The following TTC13 variants were observed in gnomAD, a reference collection of about 807,000 sequenced individuals.
The protein encoded by TTC13 is tetratricopeptide repeat protein 13.
TTC13 carries 62 observed loss-of-function variants against 120.0 expected under a neutral mutation model. The observed-to-expected ratio is 0.52, with a 90% CI of 0.42 to 0.64. The LOEUF is 0.64. TTC13 is among the 30% of genes least tolerant of loss of function. The pLI is 0.00. For missense variants in TTC13, 824 were observed against 1,050.2 expected, an observed-to-expected ratio of 0.78 and a Z score of 2.98; for synonymous variants, 384 against 393.5, an observed-to-expected ratio of 0.98 and a Z score of 0.28.
At chr1:230,927,802 A>G (rs1223102156) in intron 12 of TTC13, among the ~76,000 whole-genome samples, 3 of 152,152 alleles carry the variant, frequency 2.0e-5, no homozygotes, top group Non-Finnish European at 4.4e-5. Flanking sequence ...ATTTCCTCCT[A>G]AAGTTTAAAA....
chr1:230,925,785 T>C, intron 12 of TTC13, 138 bp from the exon 13 acceptor site: 1 of 911,726 alleles, frequency 1.1e-6, no homozygotes, highest in Non-Finnish European at 1.7e-6. Flanking sequence ...ACTTCAGTCC[T>C]TTGCACCCAA....
chr1:230,912,788 A>T, intron 18 of TTC13, 30 bp from the exon 19 acceptor site: 1 of 1,592,540 alleles, frequency 6.3e-7, no homozygotes, highest in Admixed American at 1.8e-5. Flanking sequence ...TGTGAAAGGC[A>T]TGTATTATAA....
rs537999407 is a variant in TTC13 at position 230,921,611 on chromosome 1, A to G, written c.1815-107T>C. Reference sequence around the variant, plus strand: ...AAAAAAATAAGAAACTATGAGAATAATGTAGAAAAAAAAAGTCTGGGAAAT... The same window carrying G: ...AAAAAAATAAGAAACTATGAGAATAGTGTAGAAAAAAAAAGTCTGGGAAAT... On this transcript the variant is annotated intron_variant, in intron 15 of 22. Coordinates refer to ENST00000366661, the MANE Select transcript of TTC13 (RefSeq NM_024525.5). The G allele has an allele frequency of 1.6e-5, 10 of 632,168 alleles. No individual in the cohort carries two copies. The African/African-American group carries it at 2.0e-4, about 12-fold the overall frequency. The allele number at this position is 632,168 out of a possible 1,614,324, so 39.2% of individuals were successfully genotyped here.
chr1:230,952,884 A>C (rs1005968749), intron 4 of TTC13, among the ~76,000 whole-genome samples: 1 of 152,206 alleles, frequency 6.6e-6, no homozygotes, highest in Non-Finnish European at 1.5e-5. Flanking sequence ...TATTATTTAA[A>C]ATATTTTCTT....
intron 17 of TTC13, among the ~76,000 whole-genome samples, chr1:230,918,162 G>A (rs538203612): frequency 7.9e-5 from 12 of 152,146 alleles, no homozygotes; most frequent in South Asian, 6.2e-4. Flanking sequence ...GCACTTAAAC[G>A]CTAACTATTT....
chr1:230,934,279 A>G (rs1423421956), intron 8 of TTC13, among the ~76,000 whole-genome samples: 1 of 152,228 alleles, frequency 6.6e-6, no homozygotes, highest in Non-Finnish European at 1.5e-5. Context: ...AACATTTAAA[A>G]TTGAACCAAG....
chr1:230,966,035 A>G (rs990493087), intron 1 of TTC13, among the ~76,000 whole-genome samples: 1 of 152,200 alleles, frequency 6.6e-6, no homozygotes, highest in Non-Finnish European at 1.5e-5. Context: ...TTAGTTTTCT[A>G]TAAGAAACTT....
At chr1:230,913,938 A>G (rs967138772) in intron 18 of TTC13, among the ~76,000 whole-genome samples, 2 of 152,146 alleles carry the variant, frequency 1.3e-5, no homozygotes, top group African/African-American at 4.8e-5. Context: ...CTGGCAGGGA[A>G]GCTGGTTTGG....
intron 14 of TTC13, among the ~76,000 whole-genome samples, chr1:230,924,201 C>T (rs961606588): frequency 6.6e-6 from 1 of 152,220 alleles, no homozygotes; most frequent in African/African-American, 2.4e-5. Flanking sequence ...CCAGGCACAC[C>T]ATTATCTGTA....
chr1:230,976,843 T>A (rs1678361120), intron 1 of TTC13, among the ~76,000 whole-genome samples: 1 of 152,194 alleles, frequency 6.6e-6, no homozygotes, highest in Non-Finnish European at 1.5e-5. Context: ...AAGAATCAAA[T>A]AAGCCACCAA....
At chr1:230,958,625 A>C (rs1185361532) in intron 2 of TTC13, among the ~76,000 whole-genome samples, 3 of 152,262 alleles carry the variant, frequency 2.0e-5, no homozygotes, top group African/African-American at 7.2e-5. Context: ...TGTGACCAGA[A>C]CATGAGCCCT....
intron 15 of TTC13, among the ~76,000 whole-genome samples, chr1:230,923,429 C>T (rs12080773): frequency 6.6e-6 from 1 of 151,826 alleles, no homozygotes; most frequent in Non-Finnish European, 1.5e-5. Context: ...AATGGGGAGC[C>T]GCCCACCGTG....
At chr1:230,964,671 C>T (rs1361312205) in intron 1 of TTC13, among the ~76,000 whole-genome samples, 1 of 152,168 alleles carries the variant, frequency 6.6e-6, no homozygotes, top group East Asian at 1.9e-4. Context: ...CTTTATAATA[C>T]ATTATAGACA....
chr1:230,967,380 T>A (rs1490939623), intron 1 of TTC13, among the ~76,000 whole-genome samples: 1 of 149,462 alleles, frequency 6.7e-6, no homozygotes, highest in Non-Finnish European at 1.5e-5. Context: ...CTTCACCATA[T>A]AAAAGAAGTA....
rs182870698 is a variant in TTC13, at chr1:230,942,889, G to A, written c.672+917C>T. Among the ~76,000 whole-genome samples, 8 of 152,180 alleles carry A rather than the reference G, an allele frequency of 5.3e-5. No homozygotes were observed. The highest frequency in any genetic ancestry group is 3.9e-4 in the Admixed American group (6 of 15,288). On this transcript the variant is annotated intron_variant, in intron 6 of 22. Coordinates refer to ENST00000366661, the MANE Select transcript of TTC13 (RefSeq NM_024525.5). The surrounding 1 kb of genome is among the most constrained non-coding windows in gnomAD (Gnocchi z 4.0). ...CCCCTTCTTCTCTTCCCAAAGAAGC[G>A]CCTCCTCTGTCTACTTGAGCCAGTA...
At chr1:230,908,391 T>C (rs1244217737) in intron 22 of TTC13, 7 of 471,138 alleles carry the variant, frequency 1.5e-5, no homozygotes, top group Admixed American at 1.4e-4. Context: ...AGTTTCACTA[T>C]GTTGCCCAGG....
rs139158287 is a variant in TTC13, at chr1:230,918,259, G to A, written c.1984-1957C>T. On this transcript the variant is annotated intron_variant, in intron 17 of 22. Transcript: ENST00000366661. ...AGGAGTCTACTATATATAGCTTGGA[G>A]CTTTACTAAGCTTGGTTTACCATTT... is the stretch of plus-strand genomic sequence containing the variant. Among the ~76,000 whole-genome samples the A allele has an allele frequency of 6.0e-3, 911 of 152,306 alleles. 11 individuals are homozygous for A. The highest frequency in any genetic ancestry group is 0.021 in the African/African-American group (873 of 41,572).
chr1:230,936,545 G>T, intron 8 of TTC13: 1 of 216,098 alleles, frequency 4.6e-6, no homozygotes, highest in East Asian at 1.2e-4. Flanking sequence ...TTACAACATA[G>T]ATAAAACAAT....
chr1:230,964,973 A>C (rs1249663456), intron 1 of TTC13, among the ~76,000 whole-genome samples: 2 of 152,222 alleles, frequency 1.3e-5, no homozygotes, highest in Non-Finnish European at 2.9e-5. Context: ...ATACAAAATG[A>C]AATCTAAATG....
Sources: allele counts gnomAD v4.1 joint callset (sites outside exome capture counted in the v4.1 genomes callset), GRCh38; gene constraint gnomAD v4.1.1; non-coding constraint Gnocchi (gnomAD v3.1); transcripts MANE v1.5; gene names NCBI Gene and HGNC (gene_info 2026-07-23, HGNC 2026-07-21).